The following LACTB2 variants were observed in gnomAD, a reference collection of about 807,000 sequenced individuals.
LACTB2 encodes the protein lactamase beta 2, also known as endoribonuclease LACTB2.
Under a neutral mutation model 34.8 loss-of-function variants are expected in LACTB2, and 32 were observed. The observed-to-expected ratio is 0.92, with a 90% CI of 0.69 to 1.24. The LOEUF (loss-of-function observed/expected upper bound fraction) is 1.24. Ranked by LOEUF, LACTB2 falls within the 50% of genes most tolerant of loss-of-function variation. The probability of loss-of-function intolerance (pLI) is 0.00; values close to 1 mark genes in which losing one functional copy is unlikely to be tolerated. For missense variants in LACTB2, 320 were observed against 345.0 expected, an observed-to-expected ratio of 0.93 and a Z score of 0.57; for synonymous variants, 120 against 117.5, an observed-to-expected ratio of 1.02 and a Z score of -0.14.
At position 70,650,591 on chromosome 8, in the gene LACTB2, G is replaced by A. The variant is rs567437215; in HGVS notation, c.414-6348C>T. Among the ~76,000 whole-genome samples the A allele has an allele frequency of 8.6e-5, 13 of 151,994 alleles. No homozygotes were observed. In the East Asian group the frequency reaches 2.5e-3, roughly 29 times the overall value. On this transcript the variant is annotated intron_variant, in intron 3 of 6. Transcript: ENST00000276590. The stretch of plus-strand genomic sequence containing the variant: ...CTAAAAATACAAAAATTAGCTGGGC[G>A]TGGTGGCGGATGCCTGTAATCTCAG...
At chr8:70,658,092 C>T (rs1336249173) in intron 2 of LACTB2, among the ~76,000 whole-genome samples, 1 of 152,062 alleles carries the variant, frequency 6.6e-6, no homozygotes, top group Non-Finnish European at 1.5e-5. Flanking sequence ...CTTTCATGCC[C>T]CTCTAGGTCT....
chr8:70,661,636 T>TA (rs1818481750), intron 2 of LACTB2, 98 bp downstream of exon 2: 4 of 1,005,336 alleles, frequency 4.0e-6, no homozygotes, highest in Non-Finnish European at 5.8e-6. Context: ...CTGAGGTATT[T>TA]AGTAAATGGT....
rs549046939 is a variant in LACTB2 at position 70,655,614 on chromosome 8, G to A, written c.413+2142C>T. On this transcript the variant is annotated intron_variant, in intron 3 of 6. Coordinates refer to ENST00000276590, the MANE Select transcript of LACTB2 (RefSeq NM_016027.3). ...CACTCGTTGATGGATGGGCATTTGAGTTGGTTCCATGATTTTGCAATTGCA... is the reference window on the plus strand; with the variant it reads ...CACTCGTTGATGGATGGGCATTTGAATTGGTTCCATGATTTTGCAATTGCA... Among the ~76,000 whole-genome samples, 104 of 152,274 alleles carry A rather than the reference G, an allele frequency of 6.8e-4. 1 individual carries two copies. The highest frequency in any genetic ancestry group is 1.2e-3 in the Non-Finnish European group (79 of 68,036).
chr8:70,659,561 T>C (rs1446994910), intron 2 of LACTB2, among the ~76,000 whole-genome samples: 1 of 152,178 alleles, frequency 6.6e-6, no homozygotes, highest in African/African-American at 2.4e-5. Flanking sequence ...AACAATGATA[T>C]GCTTTTCTGG....
intron 1 of LACTB2, among the ~76,000 whole-genome samples, chr8:70,665,496 C>T (rs1378645368): frequency 1.3e-5 from 2 of 152,140 alleles, no homozygotes; most frequent in Non-Finnish European, 2.9e-5. Flanking sequence ...TTCTGAACAC[C>T]TACTATGAGC....
At chr8:70,653,503 A>G (rs1434284518) in intron 3 of LACTB2, among the ~76,000 whole-genome samples, 1 of 152,228 alleles carries the variant, frequency 6.6e-6, no homozygotes, top group African/African-American at 2.4e-5. Flanking sequence ...ATGGACATCT[A>G]CTACTTCATT....
Position 70,638,581 on chromosome 8 carries a change from GAAGT to G in LACTB2, c.786_789del (p.Leu262PhefsTer3), listed in dbSNP as rs1426867996. On this transcript the variant is annotated frameshift_variant, in exon 6 of 7. Coordinates refer to ENST00000276590, the MANE Select transcript of LACTB2 (RefSeq NM_016027.3). LOFTEE classifies it high-confidence loss of function. The stretch of plus-strand genomic sequence containing the variant: ...CCTTCTTTTTCTAGTTTTTTCAAAT[GAAGT>G]AAGAGATTATGTTTAGCCATTTCAT... 2 of 1,511,690 alleles carry G rather than the reference GAAGT, an allele frequency of 1.3e-6. No individual in the cohort carries two copies. Among genetic ancestry groups the G allele is most frequent in the Non-Finnish European group, 1.8e-6 (2 of 1,129,844 alleles). The allele number at this position is 1,511,690 out of a possible 1,614,324, so 93.6% of individuals were successfully genotyped here. A position where few individuals can be genotyped will look rare whatever the true frequency, so the allele number is the denominator to read the frequency against.
chr8:70,645,121 A>G (rs1411923939), intron 3 of LACTB2, among the ~76,000 whole-genome samples: 1 of 151,962 alleles, frequency 6.6e-6, no homozygotes, highest in Admixed American at 6.6e-5. Flanking sequence ...TTTGAGATAT[A>G]TCAAGGTCTT....
At chr8:70,660,703 C>A in intron 2 of LACTB2, 1 of 456,350 alleles carries the variant, frequency 2.2e-6, no homozygotes, top group Non-Finnish European at 4.4e-6. Context: ...ATATAACAGC[C>A]CTTGCCCTTC....
At chr8:70,655,957 T>C (rs538350546) in intron 3 of LACTB2, among the ~76,000 whole-genome samples, 5 of 152,338 alleles carry the variant, frequency 3.3e-5, no homozygotes, top group East Asian at 1.9e-4. Flanking sequence ...ATTAGTGATG[T>C]TGAGTATTTT....
At chr8:70,657,944 C>A in intron 2 of LACTB2, 62 bp from the exon 3 acceptor site, 1 of 1,114,514 alleles carries the variant, frequency 9.0e-7, no homozygotes, top group Non-Finnish European at 1.2e-6. Context: ...TTTAAGAGAT[C>A]AACTTTCATA....
rs1402674421 is a variant in LACTB2 at position 70,637,871 on chromosome 8, C to T, written c.856G>A (p.Ala286Thr). ...SNTDPDKKWK[A>T]HL Reference sequence around the variant, plus strand: ...TCTTTAATCTGAAACTAAAGATGAGCTTTCCATTTCTTGTCAGGATCTGTG... The same window carrying T: ...TCTTTAATCTGAAACTAAAGATGAGTTTTCCATTTCTTGTCAGGATCTGTG... Residue 286 changes from alanine (A) to threonine (T), a missense_variant, in exon 7 of 7, where the codon GCT becomes ACT. Transcript: ENST00000276590. The T allele has an allele frequency of 6.5e-7, 1 of 1,548,346 alleles. No homozygotes were observed. Among genetic ancestry groups the T allele is most frequent in the Non-Finnish European group, 8.7e-7 (1 of 1,147,002 alleles).
chr8:70,656,233 G>C (rs1246731749), intron 3 of LACTB2, among the ~76,000 whole-genome samples: 1 of 152,122 alleles, frequency 6.6e-6, no homozygotes, highest in African/African-American at 2.4e-5. Flanking sequence ...TTTGCTTTCG[G>C]GTTCTTGGTC....
At chr8:70,639,688 C>T (rs1000529015) in intron 5 of LACTB2, among the ~76,000 whole-genome samples, 13 of 151,636 alleles carry the variant, frequency 8.6e-5, no homozygotes, top group African/African-American at 2.4e-4. Flanking sequence ...TTGGGCCGGG[C>T]GCAGTGACTC....
In LACTB2 at chr8:70,650,495, C is replaced by T. The variant is rs528805049; in HGVS notation, c.414-6252G>A. 2.0e-5 allele frequency among the ~76,000 whole-genome samples: 3 copies of T among 152,218 alleles called. No homozygotes were observed. The South Asian group carries it at 6.2e-4, about 32-fold the overall frequency. ...GTAGCTCATGCCTGTAATCCCAGCA[C>T]TTTGGGAGGCCGAGGCCTGAGGTCA... On this transcript the variant is annotated intron_variant, in intron 3 of 6. Coordinates refer to ENST00000276590, the MANE Select transcript of LACTB2 (RefSeq NM_016027.3).
Position 70,638,587 on chromosome 8 carries a change from A to G in LACTB2, c.784T>C (p.Leu262=). The part of the protein sequence containing the change: ...NLHEMAKHNL[L]LHLKKLEKEG... ...TTTTCTAGTTTTTTCAAATGAAGTA[A>G]GAGATTATGTTTAGCCATTTCATGT... The change falls in exon 6 of 7, where the codon TTA becomes CTA. Residue 262 remains leucine, a synonymous_variant. Transcript: ENST00000276590. 6.6e-7 allele frequency: 1 copy of G among 1,515,772 alleles called. No homozygotes were observed. Among genetic ancestry groups the G allele is most frequent in the Non-Finnish European group, 8.8e-7 (1 of 1,132,130 alleles). 93.9% of individuals were successfully genotyped at this position (1,515,772 alleles called of 1,614,324 possible).
At chr8:70,662,169 T>C (rs1042084601) in intron 1 of LACTB2, 4 of 253,298 alleles carry the variant, frequency 1.6e-5, no homozygotes, top group Non-Finnish European at 3.0e-5. Flanking sequence ...ATGGCACCAT[T>C]CCAAGGACTT....
chr8:70,663,546 G>A (rs17760081), intron 1 of LACTB2, among the ~76,000 whole-genome samples: 11,032 of 152,230 alleles, frequency 0.072, 470 homozygotes, highest in Non-Finnish European at 0.089. Flanking sequence ...GTTGGTAGTG[G>A]AAATGTAAGG....
rs377190017 is a variant in LACTB2 at position 70,669,162 on chromosome 8, C to T, written c.-42G>A. On this transcript the variant is annotated 5_prime_UTR_variant, in exon 1 of 7. Transcript: ENST00000276590. ...CGCCGGCGTGTCGCCTATCTGGATA[C>T]TCCAGCGCGGAAGAAGCCAACAGGC... 7.5e-6 allele frequency: 12 copies of T among 1,602,732 alleles called. No homozygotes were observed. Among genetic ancestry groups the T allele is most frequent in the East Asian group, 2.3e-5 (1 of 44,444 alleles).
Sources: allele counts gnomAD v4.1 joint callset (sites outside exome capture counted in the v4.1 genomes callset), GRCh38; gene constraint gnomAD v4.1.1; transcripts MANE v1.5; gene names NCBI Gene and HGNC (gene_info 2026-07-23, HGNC 2026-07-21).